ANO4: variants seen among roughly 807,000 people sequenced by gnomAD.
ANO4 encodes anoctamin-4.
Under a neutral mutation model 141.9 loss-of-function variants are expected in ANO4, and 69 were observed. The ratio of observed to expected loss-of-function variants is 0.49; its 90% CI spans 0.40 to 0.59. The LOEUF is 0.59. Ranked by LOEUF, ANO4 falls within the 20% of genes least tolerant of loss-of-function variation. ANO4 has a pLI of 0.00. For synonymous variants in ANO4, 350 were observed against 394.3 expected (o/e 0.89, Z 1.33); for missense variants, 894 against 1,162.2 (o/e 0.77, Z 3.36).
At chr12:100,795,447 T>C (rs1353111640) in intron 1 of ANO4, among the ~76,000 whole-genome samples, 1 of 152,136 alleles carries the variant, frequency 6.6e-6, no homozygotes, top group Non-Finnish European at 1.5e-5. Flanking sequence ...TCTTCCATCT[T>C]TGTGGATAAA....
At chr12:100,793,873 T>C (rs1443862337), upstream of ANO4, among the ~76,000 whole-genome samples, 1 of 152,202 alleles carries the variant, frequency 6.6e-6, no homozygotes. Flanking sequence ...TTTAGAGTCC[T>C]CCACGCATCC....
intron 14 of ANO4, among the ~76,000 whole-genome samples, chr12:101,049,348 A>G (rs542866361): frequency 5.6e-4 from 86 of 152,304 alleles, no homozygotes; most frequent in African/African-American, 2.0e-3. Flanking sequence ...CATCTGCTCC[A>G]GCCAAAAGAT....
chr12:100,961,069 G>A (rs1592847466), intron 5 of ANO4, among the ~76,000 whole-genome samples: 1 of 152,226 alleles, frequency 6.6e-6, no homozygotes, highest in South Asian at 2.1e-4. Flanking sequence ...TATAATTAGG[G>A]TCATCATTGC....
In ANO4 at chr12:100,742,340, T is replaced by G. The variant is rs140575066; in HGVS notation, c.358+2235T>G. On this transcript the variant is annotated intron_variant, in intron 3 of 29. Coordinates refer to the ANO4 transcript ENST00000644049. Reference sequence around the variant, plus strand: ...TATTTTTGTGTGAAAGCTTATAGTTTCCTTTCTTTTTATTTGTGTTTTAAA... The same window carrying G: ...TATTTTTGTGTGAAAGCTTATAGTTGCCTTTCTTTTTATTTGTGTTTTAAA... Among the ~76,000 whole-genome samples, 1,216 of 152,236 alleles carry G rather than the reference T, an allele frequency of 8.0e-3. 12 individuals carry two copies. The highest frequency in any genetic ancestry group is 0.013 in the Non-Finnish European group (897 of 68,000).
chr12:100,948,917 C>T (rs1458103385), intron 5 of ANO4, among the ~76,000 whole-genome samples: 3 of 152,200 alleles, frequency 2.0e-5, no homozygotes. Context: ...CTCATCTCAG[C>T]AGACTGGCGT....
intron 26 of ANO4, among the ~76,000 whole-genome samples, chr12:101,124,775 G>T (rs1465050862): frequency 6.6e-6 from 1 of 152,092 alleles, no homozygotes; most frequent in African/African-American, 2.4e-5. Flanking sequence ...AAGATCAGAT[G>T]GTTGTAGATG....
chr12:100,724,859 T>C (rs1327332062), intron 1 of ANO4, among the ~76,000 whole-genome samples: 1 of 152,206 alleles, frequency 6.6e-6, no homozygotes, highest in Non-Finnish European at 1.5e-5. Context: ...AATCAACACA[T>C]TGATATTTCT....
At chr12:101,080,886 T>TTATATATATAG in intron 15 of ANO4, among the ~76,000 whole-genome samples, 2 of 131,384 alleles carry the variant, frequency 1.5e-5, no homozygotes, top group African/African-American at 2.8e-5. Flanking sequence ...ATATATATTA[T>TTATATATATAG]ATATATATAT....
At chr12:101,099,876 C>T (rs1386071359) in intron 22 of ANO4, among the ~76,000 whole-genome samples, 156 bp downstream of exon 22, 1 of 152,190 alleles carries the variant, frequency 6.6e-6, no homozygotes, top group East Asian at 1.9e-4. Flanking sequence ...CTGTGCTACA[C>T]TTACATTTAA....
intron 1 of ANO4, among the ~76,000 whole-genome samples, chr12:100,876,433 A>G (rs1396277773): frequency 6.6e-6 from 1 of 152,210 alleles, no homozygotes; most frequent in Non-Finnish European, 1.5e-5. Flanking sequence ...TTCCCCCTGC[A>G]GGGAGCAGGG....
intron 1 of ANO4, among the ~76,000 whole-genome samples, chr12:100,865,436 A>G (rs1213334968): frequency 6.6e-6 from 1 of 152,202 alleles, no homozygotes; most frequent in Non-Finnish European, 1.5e-5. Context: ...AATATCTATA[A>G]TCTACAAGAA....
At chr12:100,740,266 G>A (rs966577800) in intron 3 of ANO4, among the ~76,000 whole-genome samples, 2 of 151,944 alleles carry the variant, frequency 1.3e-5, no homozygotes, top group African/African-American at 4.8e-5. Context: ...TTAATGAGAT[G>A]GGGTCTCACT....
At chr12:100,917,605 G>GT (rs1209506205) in intron 2 of ANO4, among the ~76,000 whole-genome samples, 1 of 152,128 alleles carries the variant, frequency 6.6e-6, no homozygotes, top group Non-Finnish European at 1.5e-5. Context: ...AGATTCATTG[G>GT]TACACTGATC....
At chr12:100,978,158 G>GGAT (rs1425324442) in intron 7 of ANO4, among the ~76,000 whole-genome samples, 2 of 152,208 alleles carry the variant, frequency 1.3e-5, no homozygotes, top group Non-Finnish European at 2.9e-5. Flanking sequence ...TTGAAGGCAA[G>GGAT]GATGACTCAT....
At chr12:100,902,597 T>G in intron 2 of ANO4, among the ~76,000 whole-genome samples, 1 of 152,232 alleles carries the variant, frequency 6.6e-6, no homozygotes, top group Non-Finnish European at 1.5e-5. Context: ...GATTCCTCTC[T>G]GTAATGTCCT....
intron 14 of ANO4, chr12:101,068,426 T>C: frequency 1.1e-6 from 1 of 928,958 alleles, no homozygotes; most frequent in South Asian, 1.3e-5. Flanking sequence ...TCTCGCTGTT[T>C]TTAAGAAGAC....
chr12:101,030,552 C>T (rs1182490930), intron 9 of ANO4, among the ~76,000 whole-genome samples: 3 of 152,102 alleles, frequency 2.0e-5, no homozygotes, highest in Non-Finnish European at 4.4e-5. Context: ...GATACACTAA[C>T]ATCACAATTA....
In ANO4 at chr12:101,051,013, T is replaced by G. The variant is rs563352065; in HGVS notation, c.1312+2612T>G. On this transcript the variant is annotated intron_variant, in intron 14 of 27. Coordinates refer to ENST00000392977, the MANE Select transcript of ANO4 (RefSeq NM_001286615.2). ...ATATTTCACCAATTTCAAATATACT[T>G]TGAATTAAATAATGGTTTCTTCTCA... Among the ~76,000 whole-genome samples, 168 of 152,332 alleles carry G rather than the reference T, an allele frequency of 1.1e-3. 1 individual carries two copies. Among genetic ancestry groups the G allele is most frequent in the African/African-American group, 3.8e-3 (160 of 41,578 alleles).
At chr12:100,741,271 A>C (rs1168205867) in intron 3 of ANO4, among the ~76,000 whole-genome samples, 1 of 151,614 alleles carries the variant, frequency 6.6e-6, no homozygotes, top group Non-Finnish European at 1.5e-5. Flanking sequence ...GAATGTTGGG[A>C]TACCACGACA....
Sources: gnomAD v4.1 joint callset for allele counts (sites outside exome capture counted in the v4.1 genomes callset) on GRCh38, gnomAD v4.1.1 for gene constraint, MANE v1.5 for transcripts, NCBI Gene and HGNC (gene_info 2026-07-23, HGNC 2026-07-21) for gene names.